EYS: variants seen among roughly 807,000 people sequenced by gnomAD.
The protein encoded by EYS is protein eyes shut homolog.
In EYS, 250 loss-of-function variants were observed where a neutral mutation model predicts 282.1. The ratio of observed to expected loss-of-function variants is 0.89; its 90% CI spans 0.80 to 0.98. The LOEUF (loss-of-function observed/expected upper bound fraction) is 0.98, where lower values mean the gene tolerates loss of function less well. Ranked by LOEUF, EYS falls within the 50% of genes least tolerant of loss-of-function variation. The probability of loss-of-function intolerance (pLI) is 0.00; values close to 1 mark genes in which losing one functional copy is unlikely to be tolerated. For synonymous variants in EYS, 1,355 were observed against 1,282.9 expected, an observed-to-expected ratio of 1.06 and a Z score of -1.20; for missense variants, 4,016 against 3,709.0, an observed-to-expected ratio of 1.08 and a Z score of -2.15.
At chr6:64,530,027 C>T (rs1291701250) in intron 26 of EYS, among the ~76,000 whole-genome samples, 2 of 151,998 alleles carry the variant, frequency 1.3e-5, no homozygotes, top group African/African-American at 4.8e-5. Flanking sequence ...AAGTATTCAA[C>T]CTTAATTGTC....
chr6:64,168,010 C>T (rs1207217915), intron 31 of EYS, among the ~76,000 whole-genome samples: 4 of 152,174 alleles, frequency 2.6e-5, no homozygotes, highest in African/African-American at 4.8e-5. Flanking sequence ...CGCCTGTAAT[C>T]GCAGCACTTT....
At position 64,686,926 on chromosome 6, in the gene EYS, C is replaced by T. The variant is rs911351083; in HGVS notation, c.3444-60681G>A. On this transcript the variant is annotated intron_variant, in intron 22 of 42. Transcript: ENST00000503581. ...GTATATATATACACACATATATATACGTATATATATACACATATATATACA... is the reference window on the plus strand; with the variant it reads ...GTATATATATACACACATATATATATGTATATATATACACATATATATACA... 1.7e-4 allele frequency among the ~76,000 whole-genome samples: 22 copies of T among 133,192 alleles called. 2 individuals are homozygous for T. In the South Asian group the frequency reaches 1.7e-3, roughly 10 times the overall value. 87.4% of individuals were successfully genotyped at this position (133,192 alleles called of 152,430 possible).
intron 12 of EYS, among the ~76,000 whole-genome samples, chr6:65,082,047 C>A (rs1008570712): frequency 6.6e-6 from 1 of 152,022 alleles, no homozygotes; most frequent in Non-Finnish European, 1.5e-5. Context: ...TTTACAATTA[C>A]CCTGAGTTCA....
chr6:63,742,179 T>C (rs987394653), intron 41 of EYS, among the ~76,000 whole-genome samples: 1 of 152,206 alleles, frequency 6.6e-6, no homozygotes, highest in Non-Finnish European at 1.5e-5. Flanking sequence ...TTTGCTCTTG[T>C]GGGAGGCCTC....
chr6:64,645,706 A>AC (rs1554188345), intron 22 of EYS, among the ~76,000 whole-genome samples: 2 of 151,926 alleles, frequency 1.3e-5, no homozygotes, highest in Non-Finnish European at 2.9e-5. Flanking sequence ...GTAATAATAA[A>AC]TGAAAAAATA....
chr6:64,692,932 C>T (rs1471183633), intron 22 of EYS, among the ~76,000 whole-genome samples: 7 of 78,794 alleles, frequency 8.9e-5, no homozygotes, highest in African/African-American at 3.0e-4. Flanking sequence ...TATGATGATG[C>T]CTCTGGCTTT....
At chr6:64,930,461 T>TAAAAAAAAAAAAA (rs55650031) in intron 15 of EYS, among the ~76,000 whole-genome samples, 6 of 123,028 alleles carry the variant, frequency 4.9e-5, no homozygotes, top group East Asian at 2.4e-4. Context: ...ATAAATAAGG[T>TAAAAAAAAAAAAA]AAAAAAAAAA....
At chr6:64,559,756 T>A (rs572836384) in intron 26 of EYS, among the ~76,000 whole-genome samples, 62 of 151,924 alleles carry the variant, frequency 4.1e-4, no homozygotes, top group South Asian at 4.2e-4. Flanking sequence ...TACTCTTTTT[T>A]AAAAAAAAAT....
At chr6:64,382,764 G>T (rs1772787555) in intron 29 of EYS, among the ~76,000 whole-genome samples, 1 of 152,196 alleles carries the variant, frequency 6.6e-6, no homozygotes, top group Admixed American at 6.5e-5. Flanking sequence ...AGTGGAGACA[G>T]ATCCAGGGAC....
intron 34 of EYS, among the ~76,000 whole-genome samples, chr6:63,988,577 A>G (rs1562135194): frequency 6.6e-6 from 1 of 151,618 alleles, no homozygotes; most frequent in Non-Finnish European, 1.5e-5. Flanking sequence ...CAGACTTTCA[A>G]TTATCCAAGA....
chr6:64,125,785 C>CAAAAAA lies in EYS; in HGVS notation c.6425-43789_6425-43784dup, dbSNP rs920132590. 7.7e-3 allele frequency among the ~76,000 whole-genome samples: 387 copies of CAAAAAA among 49,996 alleles called. 12 individuals carry two copies. The highest frequency in any genetic ancestry group is 0.023 in the African/African-American group (359 of 15,800). The allele number at this position is 49,996 out of a possible 152,430, so 32.8% of individuals were successfully genotyped here. A position where few individuals can be genotyped will look rare whatever the true frequency, so the allele number is the denominator to read the frequency against. ...TGGGCGACAGAGCAAGACTCCGTCTCAAAAAAAAAAAAAAAAAAAAAAAAG... is the reference window on the plus strand; with the variant it reads ...TGGGCGACAGAGCAAGACTCCGTCTCAAAAAAAAAAAAAAAAAAAAAAAAAAAAAAG... On this transcript the variant is annotated intron_variant, in intron 31 of 42. Transcript: ENST00000503581.
intron 12 of EYS, among the ~76,000 whole-genome samples, chr6:65,295,577 T>C (rs1414084643): frequency 6.6e-6 from 1 of 151,980 alleles, no homozygotes; most frequent in South Asian, 2.1e-4. Flanking sequence ...TGGCTGCCTG[T>C]TTTTCCCTTC....
rs1771016490 is a variant in EYS, at chr6:64,706,370, C to T, written c.3444-80125G>A. ...ACATTATAAAAATTCTAGAAGATGA[C>T]ATCAGAAAAACCTTTCTAGACATTG... On this transcript the variant is annotated intron_variant, in intron 22 of 42. Coordinates refer to ENST00000503581, the MANE Select transcript of EYS (RefSeq NM_001142800.2). Among the ~76,000 whole-genome samples the T allele has an allele frequency of 5.1e-5, 4 of 77,686 alleles. No homozygotes were observed. The South Asian group carries it at 1.9e-3, about 36-fold the overall frequency. 51.0% of individuals were successfully genotyped at this position (77,686 alleles called of 152,430 possible).
At chr6:65,493,118 T>C (rs1229761066) in intron 4 of EYS, among the ~76,000 whole-genome samples, 1 of 152,172 alleles carries the variant, frequency 6.6e-6, no homozygotes, top group Non-Finnish European at 1.5e-5. Context: ...TTTCACCATG[T>C]TGGCCAGGCT....
At chr6:64,300,200 G>A (rs1017497860) in intron 30 of EYS, among the ~76,000 whole-genome samples, 8 of 152,242 alleles carry the variant, frequency 5.3e-5, no homozygotes, top group Admixed American at 2.0e-4. Context: ...CTGGAGCCAC[G>A]TGGCCAAGTT....
At chr6:65,352,788 A>G (rs995813811) in intron 9 of EYS, among the ~76,000 whole-genome samples, 1 of 151,948 alleles carries the variant, frequency 6.6e-6, no homozygotes, top group Admixed American at 6.6e-5. Flanking sequence ...TATTCCTTTT[A>G]GAAGAGAAAT....
chr6:64,502,518 G>A (rs927027737), intron 26 of EYS, among the ~76,000 whole-genome samples: 55 of 152,192 alleles, frequency 3.6e-4, no homozygotes, highest in African/African-American at 1.2e-3. Flanking sequence ...CACTGCGCTC[G>A]GCCGGAGGCT....
intron 12 of EYS, among the ~76,000 whole-genome samples, chr6:65,075,402 T>A: frequency 6.6e-6 from 1 of 152,048 alleles, no homozygotes; most frequent in East Asian, 1.9e-4. Flanking sequence ...TATATAAACA[T>A]AAATTCATTT....
chr6:64,406,007 T>C (rs771264040), intron 28 of EYS, among the ~76,000 whole-genome samples: 5 of 152,084 alleles, frequency 3.3e-5, no homozygotes, highest in Admixed American at 2.0e-4. Context: ...GCCAAGACAA[T>C]GTGAAGCCAA....
Sources: gnomAD v4.1 joint callset for allele counts (sites outside exome capture counted in the v4.1 genomes callset) on GRCh38, gnomAD v4.1.1 for gene constraint, MANE v1.5 for transcripts, NCBI Gene and HGNC (gene_info 2026-07-23, HGNC 2026-07-21) for gene names.